XPA: variants seen among roughly 807,000 people sequenced by gnomAD.
XPA encodes DNA repair protein complementing XP-A cells.
Under a neutral mutation model 35.7 loss-of-function variants are expected in XPA, and 27 were observed. That is an observed-to-expected ratio of 0.76 (90% confidence interval 0.56 to 1.04). The LOEUF (loss-of-function observed/expected upper bound fraction) is 1.04, where lower values mean the gene tolerates loss of function less well. Among genes scored for constraint, XPA ranks in the 50% least tolerant of loss-of-function variants. XPA has a pLI of 0.00. For missense variants in XPA, 354 were observed against 342.7 expected, an observed-to-expected ratio of 1.03 and a Z score of -0.26; for synonymous variants, 133 against 118.4, an observed-to-expected ratio of 1.12 and a Z score of -0.80.
the XPA span, among the ~76,000 whole-genome samples, chr9:97,661,548 T>C: frequency 6.6e-6 from 1 of 152,162 alleles, no homozygotes; most frequent in African/African-American, 2.4e-5. Flanking sequence ...GATATGCACA[T>C]AGAAAAACTA....
At position 97,689,250 on chromosome 9, in the gene XPA, G is replaced by A. The variant is rs184662303; in HGVS notation, c.389+284C>T. On this transcript the variant is annotated intron_variant, in intron 3 of 5. Coordinates refer to ENST00000375128, the MANE Select transcript of XPA (RefSeq NM_000380.4). ...GGTTAGCAGCCTACTACTGAGAGAC[G>A]TTAAAAAACAAAAACAAAAAAAAAC... Among the ~76,000 whole-genome samples the A allele has an allele frequency of 3.1e-4, 47 of 151,816 alleles. No homozygotes were observed. In the East Asian group the frequency reaches 5.6e-3, roughly 18 times the overall value.
chr9:97,671,440 T>C (rs1828190887), downstream of XPA: 1 of 400,638 alleles, frequency 2.5e-6, no homozygotes, highest in African/African-American at 2.1e-5. Flanking sequence ...ATACAAATTC[T>C]CTGTGATCAG....
chr9:97,687,259 T>C lies in XPA; in HGVS notation c.392A>G (p.Asp131Gly), dbSNP rs1828749670. Residue 131 changes from aspartate (D) to glycine (G), a missense_variant and splice_region_variant, in exon 4 of 6, where the codon GAT becomes GGT. Physicochemically the swap from Asp to Gly is moderately conservative, Grantham distance 94. Transcript: ENST00000375128. ...FDLPTCDNCR[D>G]ADDKHKLITK... ...TATAAGCTTGTGTTTATCATCAGCA[T>C]CTCTGAAAACAGATTAAGTCCATTA... 3.1e-6 allele frequency: 5 copies of C among 1,604,964 alleles called. No homozygotes were observed. In the South Asian group the frequency reaches 5.6e-5, roughly 18 times the overall value.
chr9:97,675,933 G>T (rs1335825500), intron 5 of XPA: 1 of 279,904 alleles, frequency 3.6e-6, no homozygotes, highest in Non-Finnish European at 6.8e-6. Context: ...TCAGATAACA[G>T]AATGCCACAG....
chr9:97,693,090 T>G (rs921150661), intron 2 of XPA, among the ~76,000 whole-genome samples: 10 of 151,830 alleles, frequency 6.6e-5, no homozygotes, highest in Non-Finnish European at 1.0e-4. Context: ...TATATTGCAC[T>G]GTTGGCTGCC....
downstream of XPA, chr9:97,670,969 T>C (rs1828172588): frequency 1.7e-6 from 1 of 590,404 alleles, no homozygotes; most frequent in African/African-American, 1.9e-5. Flanking sequence ...CAGCACTTTT[T>C]TTTCCCCTTC....
chr9:97,673,022 G>T, downstream of XPA: 1 of 152,538 alleles, frequency 6.6e-6, no homozygotes, highest in Non-Finnish European at 1.5e-5. Flanking sequence ...CAGCTACTTG[G>T]GAGGCTGAGA....
intron 5 of XPA, among the ~76,000 whole-genome samples, chr9:97,680,490 T>C (rs1341036716): frequency 6.6e-6 from 1 of 152,170 alleles, no homozygotes; most frequent in Non-Finnish European, 1.5e-5. Context: ...ATTACAGAAG[T>C]GTTGGGATTA....
chr9:97,697,063 A>C (rs1829070487), intron 1 of XPA, 58 bp downstream of exon 1: 1 of 1,491,132 alleles, frequency 6.7e-7, no homozygotes, highest in African/African-American at 1.4e-5. Context: ...TGCACGAGCC[A>C]GTCTGGGGAC....
chr9:97,680,516 G>A (rs1828507136), intron 5 of XPA, among the ~76,000 whole-genome samples: 1 of 152,156 alleles, frequency 6.6e-6, no homozygotes, highest in Non-Finnish European at 1.5e-5. Context: ...ATAAGCCACT[G>A]CTCCCAGTCG....
In XPA at chr9:97,684,613, A is replaced by C. The variant is rs568748627; in HGVS notation, c.673+310T>G. 1.2e-4 allele frequency among the ~76,000 whole-genome samples: 19 copies of C among 152,300 alleles called. 1 individual carries two copies. Among genetic ancestry groups the C allele is most frequent in the Admixed American group, 1.1e-3 (17 of 15,290 alleles). On this transcript the variant is annotated intron_variant, in intron 5 of 5. Coordinates refer to ENST00000375128, the MANE Select transcript of XPA (RefSeq NM_000380.4). The stretch of plus-strand genomic sequence containing the variant: ...GTTTTTTATAACACACCTGTTGATC[A>C]TACTTAAGATTTAATTGATGCCAAA...
chr9:97,691,345 ACTTCAAATGC>A (rs1390516078), intron 2 of XPA, among the ~76,000 whole-genome samples: 28 of 152,322 alleles, frequency 1.8e-4, no homozygotes, highest in African/African-American at 6.5e-4. Flanking sequence ...TTATTTAAGG[ACTTCAAATGC>A]CTAGCTAAGG....
At chr9:97,686,359 C>T (rs1251545017) in intron 4 of XPA, among the ~76,000 whole-genome samples, 1 of 152,182 alleles carries the variant, frequency 6.6e-6, no homozygotes, top group African/African-American at 2.4e-5. Flanking sequence ...ACACCTATAA[C>T]CCATCTGCAG....
intron 2 of XPA, 64 bp downstream of exon 2, chr9:97,693,585 T>A (rs1189905099): frequency 7.3e-7 from 1 of 1,373,194 alleles, no homozygotes; most frequent in Non-Finnish European, 1.0e-6. Context: ...TCACTTTGCA[T>A]AGAATTATGC....
At position 97,676,378 on chromosome 9, in the gene XPA, CAAGT is replaced by C. The variant is rs1350234494; in HGVS notation, c.674-795_674-792del. 3.3e-5 allele frequency among the ~76,000 whole-genome samples: 5 copies of C among 152,264 alleles called. No homozygotes were observed. The East Asian group carries it at 5.8e-4, about 18-fold the overall frequency. The stretch of plus-strand genomic sequence containing the variant: ...TTATATTGGGTTCTTTGAAAGCAAC[CAAGT>C]AAATCATATTTTAATAAAAAGCAAC... On this transcript the variant is annotated intron_variant, in intron 5 of 5. Transcript: ENST00000375128.
chr9:97,655,301 T>TA, the XPA span, among the ~76,000 whole-genome samples: 1 of 152,140 alleles, frequency 6.6e-6, no homozygotes, highest in Non-Finnish European at 1.5e-5. Context: ...ACCTTGAACT[T>TA]ATGGGCTCAA....
chr9:97,682,512 A>G, intron 5 of XPA: 1 of 507,686 alleles, frequency 2.0e-6, no homozygotes. Flanking sequence ...AAGACAGTGG[A>G]GTAATGTTAC....
At chr9:97,669,725 T>G in the XPA span, 6 of 1,463,990 alleles carry the variant, frequency 4.1e-6, no homozygotes, top group East Asian at 1.4e-4. Flanking sequence ...GGAACTTCGA[T>G]TAGGTAATAA....
chr9:97,656,271 A>G, the XPA span, among the ~76,000 whole-genome samples: 1 of 152,208 alleles, frequency 6.6e-6, no homozygotes, highest in South Asian at 2.1e-4. Context: ...TGTGAATTTA[A>G]GCCAATAAGT....
Sources: gnomAD v4.1 joint callset for allele counts (sites outside exome capture counted in the v4.1 genomes callset) on GRCh38, gnomAD v4.1.1 for gene constraint, MANE v1.5 for transcripts, NCBI Gene and HGNC (gene_info 2026-07-23, HGNC 2026-07-21) for gene names.